PIK3C3: variants seen among roughly 807,000 people sequenced by gnomAD.
PIK3C3 encodes the protein PI3-kinase type 3.
In PIK3C3, 95 loss-of-function variants were observed where a neutral mutation model predicts 126.1. The observed-to-expected ratio is 0.75, with a 90% confidence interval of 0.64 to 0.89. The LOEUF (loss-of-function observed/expected upper bound fraction) is 0.89, where lower values mean the gene tolerates loss of function less well. PIK3C3 is among the 40% of genes least tolerant of loss of function. PIK3C3 has a pLI of 0.00. For synonymous variants in PIK3C3, 374 were observed against 360.0 expected, an observed-to-expected ratio of 1.04 and a Z score of -0.44; for missense variants, 829 against 1,063.2, an observed-to-expected ratio of 0.78 and a Z score of 3.06.
At chr18:41,961,687 A>G (rs1448609493) in intron 2 of PIK3C3, among the ~76,000 whole-genome samples, 5 of 152,192 alleles carry the variant, frequency 3.3e-5, no homozygotes, top group African/African-American at 4.8e-5. Flanking sequence ...TTAGTTTGGC[A>G]TATTGTTGGC....
intron 9 of PIK3C3, among the ~76,000 whole-genome samples, chr18:42,002,805 G>T (rs777158760): frequency 9.2e-5 from 14 of 152,158 alleles, no homozygotes; most frequent in Non-Finnish European, 2.1e-4. Context: ...AGAAGGCTCT[G>T]TCCAACTCCA....
At chr18:42,026,674 T>G (rs1983584898) in intron 13 of PIK3C3, 1 of 152,148 alleles carries the variant, frequency 6.6e-6, no homozygotes, top group Non-Finnish European at 1.5e-5. Context: ...TGACCTCAAG[T>G]GATCCTCCTT....
chr18:41,959,557 AAAAT>A (rs1251261609), intron 2 of PIK3C3, among the ~76,000 whole-genome samples: 1 of 152,070 alleles, frequency 6.6e-6, no homozygotes, highest in Non-Finnish European at 1.5e-5. Context: ...GCTTTTTAAA[AAAAT>A]ACTGTACAGG....
chr18:41,965,837 A>G (rs1014363234), intron 3 of PIK3C3, among the ~76,000 whole-genome samples: 1 of 152,178 alleles, frequency 6.6e-6, no homozygotes. Flanking sequence ...AATCAGTAGC[A>G]CTTGTTCTAC....
intron 14 of PIK3C3, 59 bp downstream of exon 14, chr18:42,027,607 G>T: frequency 1.1e-6 from 1 of 907,286 alleles, no homozygotes; most frequent in Non-Finnish European, 1.8e-6. Context: ...TCAGCCTGTT[G>T]CCTGTTTAGG....
chr18:42,038,784 T>G lies in PIK3C3; in HGVS notation c.1972T>G (p.Leu658Val). ...LQIISLMDKL[L>V]RKENLDLKLT... ...TATTTTACCTTTTGATTAAAAGCTGTTACGGAAAGAAAATCTGGACTTGAA... is the reference window on the plus strand; with the variant it reads ...TATTTTACCTTTTGATTAAAAGCTGGTACGGAAAGAAAATCTGGACTTGAA... The change falls in exon 18 of 25, where the codon TTA becomes GTA. Residue 658 changes from leucine (L) to valine (V), a missense_variant. Around this residue, in one of 4 missense-constraint regions of PIK3C3, gnomAD observed 196 missense variants for 312.8 expected, o/e 0.63. Coordinates refer to ENST00000262039, the MANE Select transcript of PIK3C3 (RefSeq NM_002647.4). 1 of 1,598,716 alleles carries G rather than the reference T, an allele frequency of 6.3e-7. No individual in the cohort carries two copies. The highest frequency in any genetic ancestry group is 8.6e-7 in the Non-Finnish European group (1 of 1,166,724).
At chr18:41,997,039 CTTA>C (rs1982060159) in intron 9 of PIK3C3, among the ~76,000 whole-genome samples, 1 of 151,994 alleles carries the variant, frequency 6.6e-6, no homozygotes, top group African/African-American at 2.4e-5. Flanking sequence ...GCATGGTGTC[CTTA>C]TTATTCTAAT....
rs138013274 is a variant in PIK3C3 at position 42,030,274 on chromosome 18, A to G, written c.1707+833A>G. 2.6e-3 allele frequency among the ~76,000 whole-genome samples: 401 copies of G among 152,344 alleles called. 1 individual carries two copies. Among genetic ancestry groups the G allele is most frequent in the African/African-American group, 9.3e-3 (386 of 41,588 alleles). ...ACTGTTCTCTCCTGGCTAGTTCATC[A>G]GTCTGTCTCTCAACTATGAGGTTTC... On this transcript the variant is annotated intron_variant, in intron 15 of 24. Coordinates refer to ENST00000262039, the MANE Select transcript of PIK3C3 (RefSeq NM_002647.4).
At position 42,049,615 on chromosome 18, in the gene PIK3C3, A is replaced by T; in HGVS notation, c.2263+10A>T. On this transcript the variant is annotated intron_variant, in intron 21 of 24. Coordinates refer to ENST00000262039, the MANE Select transcript of PIK3C3 (RefSeq NM_002647.4). Reference sequence around the variant, plus strand: ...TTGCTAACAAAAACAGGTAACAATTAATGACTACCAGTAGACATACATTGT... The same window carrying T: ...TTGCTAACAAAAACAGGTAACAATTTATGACTACCAGTAGACATACATTGT... 1 of 1,578,762 alleles carries T rather than the reference A, an allele frequency of 6.3e-7. No homozygotes were observed. The highest frequency in any genetic ancestry group is 8.7e-7 in the Non-Finnish European group (1 of 1,147,858).
intron 9 of PIK3C3, among the ~76,000 whole-genome samples, chr18:42,002,684 G>C (rs1982344745): frequency 6.6e-6 from 1 of 152,122 alleles, no homozygotes; most frequent in Non-Finnish European, 1.5e-5. Flanking sequence ...TTCATGTTGT[G>C]GGGTATTTCT....
intron 21 of PIK3C3, among the ~76,000 whole-genome samples, chr18:42,053,663 G>T (rs368996387): frequency 6.6e-6 from 1 of 152,070 alleles, no homozygotes; most frequent in East Asian, 1.9e-4. Context: ...GCGATCAGTT[G>T]TGACAGGATT....
At chr18:41,959,446 G>A (rs185921361) in intron 2 of PIK3C3, among the ~76,000 whole-genome samples, 2 of 151,626 alleles carry the variant, frequency 1.3e-5, no homozygotes, top group African/African-American at 2.4e-5. Context: ...TGGAAAGTAC[G>A]CTAAAATTAT....
At position 42,049,519 on chromosome 18, in the gene PIK3C3, C is replaced by G; in HGVS notation, c.2189-12C>G. ...ATTTGTTTTCACATATTTTTTTTAA[C>G]TGTTACTGCAGCTGGATATTGCGTG... On this transcript the variant is annotated splice_polypyrimidine_tract_variant and intron_variant, in intron 20 of 24. Transcript: ENST00000262039. 1 of 1,604,860 alleles carries G rather than the reference C, an allele frequency of 6.2e-7. No individual in the cohort carries two copies. The highest frequency in any genetic ancestry group is 8.5e-7 in the Non-Finnish European group (1 of 1,172,604).
At chr18:42,010,490 C>T (rs928231654) in intron 10 of PIK3C3, among the ~76,000 whole-genome samples, 4 of 152,078 alleles carry the variant, frequency 2.6e-5, no homozygotes, top group South Asian at 2.1e-4. Flanking sequence ...CTCAGCCTCC[C>T]GAGTAGCTGA....
At chr18:41,959,466 CTT>C (rs146020343) in intron 2 of PIK3C3, among the ~76,000 whole-genome samples, 5,833 of 152,124 alleles carry the variant, frequency 0.038, 354 homozygotes, top group African/African-American at 0.13. Context: ...TTTAAAACGA[CTT>C]TGAAATTAAA....
In PIK3C3 at chr18:42,034,001, C is replaced by T. The variant is rs778365411; in HGVS notation, c.1839+44C>T. 3 of 1,396,764 alleles carry T rather than the reference C, an allele frequency of 2.1e-6. No homozygotes were observed. In the South Asian group the frequency reaches 4.1e-5, roughly 19 times the overall value. The allele number at this position is 1,396,764 out of a possible 1,614,324, so 86.5% of individuals were successfully genotyped here. On this transcript the variant is annotated intron_variant, in intron 16 of 24. Transcript: ENST00000262039. Reference sequence around the variant, plus strand: ...TAATGTGTATGATTGGAACCTAATTCTTAAGCTAGATCAGAGATACTACCT... The same window carrying T: ...TAATGTGTATGATTGGAACCTAATTTTTAAGCTAGATCAGAGATACTACCT...
intron 24 of PIK3C3, among the ~76,000 whole-genome samples, chr18:42,068,243 T>A (rs1443621456): frequency 6.6e-6 from 1 of 152,230 alleles, no homozygotes; most frequent in Non-Finnish European, 1.5e-5. Context: ...TTTTTTAAAC[T>A]TTATGATACC....
intron 13 of PIK3C3, among the ~76,000 whole-genome samples, chr18:42,021,541 A>G (rs1983321303): frequency 6.6e-6 from 1 of 152,220 alleles, no homozygotes; most frequent in Non-Finnish European, 1.5e-5. Flanking sequence ...ACCTGCCTAC[A>G]GCCTTCTTTA....
chr18:42,016,995 C>G (rs1983104239), intron 12 of PIK3C3, among the ~76,000 whole-genome samples: 1 of 152,054 alleles, frequency 6.6e-6, no homozygotes, highest in Non-Finnish European at 1.5e-5. Flanking sequence ...TCTGATATTT[C>G]TCTTGTGATT....
Sources: allele counts gnomAD v4.1 joint callset (sites outside exome capture counted in the v4.1 genomes callset), GRCh38; gene constraint gnomAD v4.1.1; regional missense constraint gnomAD v4.1.1; transcripts MANE v1.5; gene names NCBI Gene and HGNC (gene_info 2026-07-23, HGNC 2026-07-21).